The following UBE2V1 variants were observed in gnomAD, a reference collection of about 807,000 sequenced individuals.
UBE2V1 encodes ubiquitin-conjugating enzyme E2 variant 1.
UBE2V1 carries 15 observed loss-of-function variants against 19.6 expected under a neutral mutation model. The observed-to-expected ratio is 0.77, with a 90% CI of 0.51 to 1.18. UBE2V1 has a LOEUF of 1.18. Among genes scored for constraint, UBE2V1 ranks in the 50% most tolerant of loss-of-function variants. UBE2V1 has a pLI of 0.00. For missense variants in UBE2V1, 125 were observed against 184.8 expected, an observed-to-expected ratio of 0.68 and a Z score of 1.88; for synonymous variants, 60 against 60.7, an observed-to-expected ratio of 0.99 and a Z score of 0.05.
upstream of UBE2V1, chr20:50,113,171 C>T (rs780418563): frequency 1.9e-5 from 24 of 1,267,664 alleles, no homozygotes; most frequent in Middle Eastern, 2.3e-4. Context: ...TCTTCACCCC[C>T]CCCTTACCCG....
At position 50,082,687 on chromosome 20, in the gene UBE2V1, G is replaced by A; in HGVS notation, c.*81C>T. On this transcript the variant is annotated 3_prime_UTR_variant, in exon 4 of 4. Transcript: ENST00000371674. ...CTTTGAGGTCTACAAGACGTATCTA[G>A]AAAATTTACTACTGTGGAAAATGAA... 6.4e-7 allele frequency: 1 copy of A among 1,557,334 alleles called. No individual in the cohort carries two copies. Among genetic ancestry groups the A allele is most frequent in the South Asian group, 1.2e-5 (1 of 83,494 alleles).
chr20:50,096,937 A>G, intron 1 of UBE2V1, 117 bp from the exon 2 acceptor site: 4 of 1,499,756 alleles, frequency 2.7e-6, no homozygotes, highest in Non-Finnish European at 3.6e-6. Context: ...CAAAAAAATC[A>G]CGGAAAGTTA....
intron 2 of UBE2V1, among the ~76,000 whole-genome samples, chr20:50,087,352 C>T (rs573633278): frequency 6.7e-6 from 1 of 148,988 alleles, no homozygotes; most frequent in East Asian, 2.0e-4. Flanking sequence ...GCCGAGACTG[C>T]ACCACTCCAC....
At chr20:50,084,780 A>C in intron 2 of UBE2V1, 1 of 319,040 alleles carries the variant, frequency 3.1e-6, no homozygotes, top group South Asian at 2.6e-5. Context: ...TGGGTAAGGG[A>C]TTTCAACTGG....
intron 2 of UBE2V1, among the ~76,000 whole-genome samples, chr20:50,093,987 CAAAAA>C (rs60174191): frequency 0.11 from 6,232 of 56,348 alleles, 253 homozygotes; most frequent in East Asian, 0.2. Context: ...GACTCCAACT[CAAAAA>C]AAAAAAAAAA....
At chr20:50,111,454 TTATTC>T (rs762763971) in intron 1 of UBE2V1, 36 of 1,000,182 alleles carry the variant, frequency 3.6e-5, no homozygotes, top group African/African-American at 7.0e-5. Flanking sequence ...GGTAGGAGTG[TTATTC>T]TGGTGAGAAG....
At chr20:50,104,230 C>A (rs1015026149) in intron 1 of UBE2V1, 2 of 876,572 alleles carry the variant, frequency 2.3e-6, no homozygotes, top group African/African-American at 3.9e-5. Flanking sequence ...TACAGTGAGC[C>A]GAGATCGCGC....
At chr20:50,107,515 G>A (rs1411131512) in intron 1 of UBE2V1, among the ~76,000 whole-genome samples, 1 of 152,184 alleles carries the variant, frequency 6.6e-6, no homozygotes, top group African/African-American at 2.4e-5. Flanking sequence ...AAATGAGTCA[G>A]GACAACTGGA....
At chr20:50,092,262 C>A (rs2079283256) in intron 2 of UBE2V1, among the ~76,000 whole-genome samples, 1 of 152,114 alleles carries the variant, frequency 6.6e-6, no homozygotes, top group Admixed American at 6.5e-5. Flanking sequence ...ACAGAGACTG[C>A]CGTGAGCTGA....
intron 1 of UBE2V1, among the ~76,000 whole-genome samples, chr20:50,106,871 C>A (rs867795212): frequency 0.039 from 3,229 of 83,620 alleles, 51 homozygotes; most frequent in Non-Finnish European, 0.044. Context: ...ACAACAACAA[C>A]AACAAAAAAA....
At chr20:50,095,828 T>C (rs1307338437) in intron 2 of UBE2V1, 1 of 152,226 alleles carries the variant, frequency 6.6e-6, no homozygotes, top group Non-Finnish European at 1.5e-5. Context: ...TCTATAATGG[T>C]AACAGATGAA....
At chr20:50,110,362 A>C (rs1415511776) in intron 1 of UBE2V1, among the ~76,000 whole-genome samples, 1 of 152,256 alleles carries the variant, frequency 6.6e-6, no homozygotes, top group African/African-American at 2.4e-5. Context: ...TGGTGTAGCC[A>C]AATGCTGAAA....
At chr20:50,084,818 T>C (rs1041851688) in intron 2 of UBE2V1, 3 of 224,124 alleles carry the variant, frequency 1.3e-5, no homozygotes, top group East Asian at 1.1e-4. Flanking sequence ...TGCAGTCTTT[T>C]TTTTTTTTTT....
Position 50,091,047 on chromosome 20 carries a change from GA to G in UBE2V1, c.171+5624del, listed in dbSNP as rs567385085. ...TTATTCTATATACTCTGTATTGTTG[GA>G]AAAAAAATTTTTTTTGAGACAAGAG... is the stretch of plus-strand genomic sequence containing the variant. On this transcript the variant is annotated intron_variant, in intron 2 of 3. Coordinates refer to ENST00000371674, the MANE Select transcript of UBE2V1 (RefSeq NM_001032288.3). Among the ~76,000 whole-genome samples, 648 of 151,958 alleles carry G rather than the reference GA, an allele frequency of 4.3e-3. 4 individuals are homozygous for G. The highest frequency in any genetic ancestry group is 0.015 in the African/African-American group (602 of 41,426).
In UBE2V1 at chr20:50,110,853, G is replaced by A. The variant is rs111582795; in HGVS notation, c.22+2254C>T. On this transcript the variant is annotated intron_variant, in intron 1 of 3. Transcript: ENST00000371674. ...CATGCCAAGCAGAGTCCCACCACAG[G>A]GCCTTTGCACTAACAGCCCACTCTC... 7.8e-4 allele frequency among the ~76,000 whole-genome samples: 118 copies of A among 152,092 alleles called. No homozygotes were observed. The Middle Eastern group carries it at 0.01, about 13-fold the overall frequency.
At chr20:50,092,539 C>A (rs941493934) in intron 2 of UBE2V1, among the ~76,000 whole-genome samples, 3 of 152,122 alleles carry the variant, frequency 2.0e-5, no homozygotes, top group African/African-American at 7.2e-5. Flanking sequence ...ATACCTAGCA[C>A]TCTCATGACA....
intron 1 of UBE2V1, chr20:50,111,178 G>A: frequency 1.1e-6 from 1 of 898,176 alleles, no homozygotes; most frequent in Non-Finnish European, 1.3e-6. Context: ...CCATTTTAGG[G>A]CACCTCAAAG....
intron 1 of UBE2V1, among the ~76,000 whole-genome samples, chr20:50,105,489 C>T (rs2080296299): frequency 6.6e-6 from 1 of 152,206 alleles, no homozygotes; most frequent in Admixed American, 6.5e-5. Context: ...AGAAGCACAA[C>T]AGATGAGAAA....
At chr20:50,113,243 C>G (rs1336009411), upstream of UBE2V1, 10 of 803,326 alleles carry the variant, frequency 1.2e-5, no homozygotes, top group African/African-American at 5.3e-5. Flanking sequence ...ACGCCCGCCC[C>G]GGAGACCTGC....
Sources: allele counts gnomAD v4.1 joint callset (sites outside exome capture counted in the v4.1 genomes callset), GRCh38; gene constraint gnomAD v4.1.1; transcripts MANE v1.5; gene names NCBI Gene and HGNC (gene_info 2026-07-23, HGNC 2026-07-21).